Variants in MSL2 observed in about 807,000 individuals in gnomAD.
MSL2 encodes MSL complex subunit 2.
In MSL2, 2 loss-of-function variants were observed where a neutral mutation model predicts 35.8. That is an observed-to-expected ratio of 0.06 (90% CI 0.02 to 0.18). MSL2 has a LOEUF of 0.18. MSL2 is among the 10% of genes least tolerant of loss of function. The pLI, the probability that MSL2 is intolerant of heterozygous loss-of-function variation, is 1.00. For missense variants in MSL2, 523 were observed against 706.7 expected (o/e 0.74, Z 2.95); for synonymous variants, 296 against 255.7 (o/e 1.16, Z -1.50).
intron 1 of MSL2, among the ~76,000 whole-genome samples, chr3:136,185,692 G>A (rs113551011): frequency 6.6e-6 from 1 of 151,956 alleles, no homozygotes; most frequent in African/African-American, 2.4e-5. Context: ...TTTTAGTAGA[G>A]ACAGGGTTTC....
rs1389678844 is a variant in MSL2 at position 136,149,129 on chromosome 3, A to AG, written c.*2017_*2018insC. On this transcript the variant is annotated 3_prime_UTR_variant, in exon 2 of 2. Coordinates refer to ENST00000309993, the MANE Select transcript of MSL2 (RefSeq NM_018133.4). ...CAACCTCCCATGCATCAAAAAAAAA[A>AG]AAAAACCCACAAGATTATCAAACTT... 1.3e-5 allele frequency: 2 copies of AG among 152,306 alleles called. No homozygotes were observed. The highest frequency in any genetic ancestry group is 2.9e-5 in the Non-Finnish European group (2 of 67,966). The allele number at this position is 152,306 out of a possible 1,614,324, so 9.4% of individuals were successfully genotyped here.
At chr3:136,155,644 T>C (rs1346049228) in intron 1 of MSL2, 3 of 406,634 alleles carry the variant, frequency 7.4e-6, no homozygotes, top group Non-Finnish European at 1.5e-5. Flanking sequence ...GTGCCGCCCA[T>C]GGGGATACAG....
chr3:136,181,981 G>C (rs1248598210), intron 1 of MSL2, among the ~76,000 whole-genome samples: 1 of 150,398 alleles, frequency 6.6e-6, no homozygotes, highest in Non-Finnish European at 1.5e-5. Context: ...GTGGGCTGAA[G>C]AAAAAAAAAT....
intron 1 of MSL2, among the ~76,000 whole-genome samples, chr3:136,168,801 G>T (rs1939927067): frequency 6.6e-6 from 1 of 151,382 alleles, no homozygotes; most frequent in Admixed American, 6.6e-5. Context: ...AAGTTTTCCA[G>T]GTTCACTAAT....
chr3:136,168,303 T>C (rs1208279707), intron 1 of MSL2, among the ~76,000 whole-genome samples: 3 of 152,052 alleles, frequency 2.0e-5, no homozygotes, highest in Non-Finnish European at 4.4e-5. Flanking sequence ...ATAACAACAG[T>C]CGTGAGACTT....
rs143871674 is a variant in MSL2, at chr3:136,168,926, CAT to C, written c.143-16190_143-16189del. Among the ~76,000 whole-genome samples, 309 of 151,980 alleles carry C rather than the reference CAT, an allele frequency of 2.0e-3. 4 individuals are homozygous for C. The highest frequency in any genetic ancestry group is 7.3e-3 in the African/African-American group (304 of 41,426). On this transcript the variant is annotated intron_variant, in intron 1 of 1. Coordinates refer to ENST00000309993, the MANE Select transcript of MSL2 (RefSeq NM_018133.4). ...CTGATCATCTAAGCATAGCTACAAT[CAT>C]ATATACAGAAGAAAATACAGAAGAA...
intron 1 of MSL2, among the ~76,000 whole-genome samples, chr3:136,186,898 G>A (rs1041607800): frequency 2.0e-4 from 31 of 152,240 alleles, no homozygotes; most frequent in Admixed American, 9.2e-4. Context: ...GGGAACTGCC[G>A]CTTTAAATCA....
chr3:136,193,006 C>T (rs1940733819), intron 1 of MSL2, among the ~76,000 whole-genome samples: 1 of 152,130 alleles, frequency 6.6e-6, no homozygotes, highest in African/African-American at 2.4e-5. Flanking sequence ...ATGCCAGCTA[C>T]TCAATCATAA....
chr3:136,163,968 A>C (rs1241483553), intron 1 of MSL2, among the ~76,000 whole-genome samples: 1 of 152,224 alleles, frequency 6.6e-6, no homozygotes, highest in Non-Finnish European at 1.5e-5. Context: ...TTTCCTTTGT[A>C]AATTACCCAG....
At chr3:136,156,298 G>T (rs1195583214) in intron 1 of MSL2, among the ~76,000 whole-genome samples, 1 of 152,188 alleles carries the variant, frequency 6.6e-6, no homozygotes, top group East Asian at 1.9e-4. Flanking sequence ...AGGAACCAGA[G>T]TGCTGAAGTA....
In MSL2 at chr3:136,150,897, A is replaced by T. The variant is rs1401471352; in HGVS notation, c.*250T>A. On this transcript the variant is annotated 3_prime_UTR_variant, in exon 2 of 2. Transcript: ENST00000309993. ...TTTCTTGCCAAAGTTCATTTTGTAT[A>T]AATCAGTTGCATCAGCTTTGTTCTC... The T allele has an allele frequency of 6.6e-6, 3 of 452,232 alleles. No individual in the cohort carries two copies. Among genetic ancestry groups the T allele is most frequent in the Non-Finnish European group, 1.2e-5 (3 of 251,980 alleles). 28.0% of individuals were successfully genotyped at this position (452,232 alleles called of 1,614,324 possible).
intron 1 of MSL2, among the ~76,000 whole-genome samples, chr3:136,168,405 C>A (rs964547741): frequency 2.0e-5 from 3 of 152,106 alleles, no homozygotes; most frequent in Non-Finnish European, 2.9e-5. Context: ...ATGTGGCACA[C>A]ATAAACCATG....
rs1939339421 is a variant in MSL2, at chr3:136,150,850, A to T, written c.*297T>A. Reference sequence around the variant, plus strand: ...TTGATTATGCACAAAGCATGGCCATAAACAATGAGGTTAATGTTATTTTTC... The same window carrying T: ...TTGATTATGCACAAAGCATGGCCATTAACAATGAGGTTAATGTTATTTTTC... On this transcript the variant is annotated 3_prime_UTR_variant, in exon 2 of 2. Transcript: ENST00000309993. 3 of 311,946 alleles carry T rather than the reference A, an allele frequency of 9.6e-6. No homozygotes were observed. The South Asian group carries it at 1.9e-4, about 20-fold the overall frequency. 19.3% of individuals were successfully genotyped at this position (311,946 alleles called of 1,614,324 possible).
At chr3:136,154,994 G>A (rs1939478303) in intron 1 of MSL2, among the ~76,000 whole-genome samples, 1 of 152,144 alleles carries the variant, frequency 6.6e-6, no homozygotes, top group African/African-American at 2.4e-5. Flanking sequence ...CAGATCACGA[G>A]GTCAAGAGAC....
rs565956506 is a variant in MSL2, at chr3:136,190,166, T to C, written c.142+4806A>G. On this transcript the variant is annotated intron_variant, in intron 1 of 1. Coordinates refer to ENST00000309993, the MANE Select transcript of MSL2 (RefSeq NM_018133.4). Reference sequence around the variant, plus strand: ...CCTCTACTCAGCACTTGGCCAATAATTGTTGGTTTACTTGTCTTCCCAGTA... The same window carrying C: ...CCTCTACTCAGCACTTGGCCAATAACTGTTGGTTTACTTGTCTTCCCAGTA... Among the ~76,000 whole-genome samples the C allele has an allele frequency of 1.4e-4, 21 of 152,334 alleles. No individual in the cohort carries two copies. The South Asian group carries it at 4.1e-3, about 30-fold the overall frequency.
In MSL2 at chr3:136,181,826, G is replaced by A. The variant is rs112274845; in HGVS notation, c.142+13146C>T. Among the ~76,000 whole-genome samples, 719 of 152,106 alleles carry A rather than the reference G, an allele frequency of 4.7e-3. 4 individuals carry two copies. The highest frequency in any genetic ancestry group is 0.017 in the African/African-American group (686 of 41,476). ...CCCAGCTACTCGGGAGGCTGAGGCA[G>A]AAGAACTGCTGGAACCCAGGAGACG... On this transcript the variant is annotated intron_variant, in intron 1 of 1. Transcript: ENST00000309993.
At chr3:136,194,879 C>T (rs1317664079) in intron 1 of MSL2, 93 bp downstream of exon 1, 3 of 1,561,970 alleles carry the variant, frequency 1.9e-6, no homozygotes, top group Middle Eastern at 1.7e-4. Flanking sequence ...AAGCTTAATA[C>T]CAACCACCAG....
chr3:136,192,907 ATTT>A (rs953796175), intron 1 of MSL2, among the ~76,000 whole-genome samples: 1 of 152,070 alleles, frequency 6.6e-6, no homozygotes, highest in Admixed American at 6.6e-5. Flanking sequence ...CAAATAACTG[ATTT>A]TTTTTCTATG....
At chr3:136,159,258 A>C (rs1939626594) in intron 1 of MSL2, among the ~76,000 whole-genome samples, 1 of 152,164 alleles carries the variant, frequency 6.6e-6, no homozygotes. Context: ...TCAGTGGAAC[A>C]GAATTCAGAG....
Sources: gnomAD v4.1 joint callset for allele counts (sites outside exome capture counted in the v4.1 genomes callset) on GRCh38, gnomAD v4.1.1 for gene constraint, MANE v1.5 for transcripts, NCBI Gene and HGNC (gene_info 2026-07-23, HGNC 2026-07-21) for gene names.